The following SMIM35 variants were observed in gnomAD, a reference collection of about 807,000 sequenced individuals.
SMIM35 encodes small integral membrane protein 35.
At chr11:118,016,518 G>A (rs745984697) in intron 1 of SMIM35, among the ~76,000 whole-genome samples, 1 of 152,124 alleles carries the variant, frequency 6.6e-6, no homozygotes, top group Non-Finnish European at 1.5e-5. Context: ...CCCCACTCCT[G>A]CCCGATGAGG....
chr11:118,086,016 C>T (rs1019914462), intron 1 of SMIM35, among the ~76,000 whole-genome samples: 6 of 152,238 alleles, frequency 3.9e-5, no homozygotes, highest in Admixed American at 3.3e-4. Flanking sequence ...GCAGCATCAC[C>T]TGGAAGCAGG....
At chr11:118,077,376 C>G in intron 1 of SMIM35, 1 of 1,493,544 alleles carries the variant, frequency 6.7e-7, no homozygotes, top group Non-Finnish European at 9.0e-7. Flanking sequence ...CTTCAAGCAG[C>G]CTGAGCATCC....
At chr11:118,054,247 T>C (rs975429029) in intron 1 of SMIM35, among the ~76,000 whole-genome samples, 1 of 152,084 alleles carries the variant, frequency 6.6e-6, no homozygotes, top group African/African-American at 2.4e-5. Context: ...AAGTGCATTA[T>C]CACCATGTCA....
At chr11:118,061,422 T>C (rs1046336951) in intron 1 of SMIM35, among the ~76,000 whole-genome samples, 2 of 152,350 alleles carry the variant, frequency 1.3e-5, no homozygotes, top group Admixed American at 1.3e-4. Flanking sequence ...TTTATGCCAA[T>C]GTATTACATT....
chr11:118,041,162 T>C (rs1048579870), intron 1 of SMIM35, among the ~76,000 whole-genome samples: 17 of 151,724 alleles, frequency 1.1e-4, no homozygotes, highest in African/African-American at 3.9e-4. Flanking sequence ...TCAAAATACA[T>C]GAAGCAAAAA....
chr11:118,012,541 C>T (rs1188754403), intron 4 of SMIM35, among the ~76,000 whole-genome samples: 2 of 152,226 alleles, frequency 1.3e-5, no homozygotes, highest in Non-Finnish European at 2.9e-5. Context: ...AGAACTCACC[C>T]ACTCCCCCGT....
intron 1 of SMIM35, among the ~76,000 whole-genome samples, chr11:118,065,465 C>T (rs566014603): frequency 6.6e-6 from 1 of 152,312 alleles, no homozygotes; most frequent in African/African-American, 2.4e-5. Context: ...AAGGAAAACC[C>T]CAACTTTCAC....
chr11:118,012,071 G>A (rs1395468585), intron 4 of SMIM35, among the ~76,000 whole-genome samples: 1 of 152,154 alleles, frequency 6.6e-6, no homozygotes, highest in Non-Finnish European at 1.5e-5. Flanking sequence ...TTTGGGAAAG[G>A]GAGCACAGGA....
At chr11:118,011,075 G>C (rs1466616344) in intron 4 of SMIM35, among the ~76,000 whole-genome samples, 1 of 152,262 alleles carries the variant, frequency 6.6e-6, no homozygotes, top group African/African-American at 2.4e-5. Flanking sequence ...GTGCTCGCCA[G>C]TAGCCTGCGG....
At position 118,005,266 on chromosome 11, in the gene SMIM35, G is replaced by C. The variant is rs1263338993; in HGVS notation, c.*1144C>G. Reference sequence around the variant, plus strand: ...ACCTGCTAGGGAAACAACTTATAGCGACCACATTGCAGGTGATTCCAGCAC... The same window carrying C: ...ACCTGCTAGGGAAACAACTTATAGCCACCACATTGCAGGTGATTCCAGCAC... On this transcript the variant is annotated 3_prime_UTR_variant, in exon 5 of 5. Coordinates refer to ENST00000689828, the MANE Select transcript of SMIM35 (RefSeq NM_001394165.1). The C allele has an allele frequency of 2.0e-5, 3 of 152,122 alleles. No individual in the cohort carries two copies. Among genetic ancestry groups the C allele is most frequent in the African/African-American group, 4.8e-5 (2 of 41,400 alleles). 9.4% of individuals were successfully genotyped at this position (152,122 alleles called of 1,614,324 possible). A position where few individuals can be genotyped will look rare whatever the true frequency, so the allele number is the denominator to read the frequency against.
At chr11:118,025,236 G>A (rs373298895) in intron 1 of SMIM35, 1 of 303,042 alleles carries the variant, frequency 3.3e-6, no homozygotes, top group South Asian at 3.0e-5. Flanking sequence ...ACATATGAGT[G>A]CATGTGACTT....
In SMIM35 at chr11:118,043,884, G is replaced by T. The variant is rs114790412; in HGVS notation, c.8-28075C>A. 9.3e-3 allele frequency among the ~76,000 whole-genome samples: 1,400 copies of T among 150,910 alleles called. 28 individuals carry two copies. Among genetic ancestry groups the T allele is most frequent in the African/African-American group, 0.032 (1,307 of 41,136 alleles). On this transcript the variant is annotated intron_variant, in intron 1 of 4. Transcript: ENST00000689828. ...GGGAGAAAAGGAGGGGGTTATCTTAGCTAAAGGGTATGGGTTTTTTTTTTA... is the reference window on the plus strand; with the variant it reads ...GGGAGAAAAGGAGGGGGTTATCTTATCTAAAGGGTATGGGTTTTTTTTTTA...
At chr11:118,041,127 GA>G (rs1051784848) in intron 1 of SMIM35, among the ~76,000 whole-genome samples, 31 of 151,812 alleles carry the variant, frequency 2.0e-4, no homozygotes, top group Non-Finnish European at 4.0e-4. Context: ...TAAAAATAGT[GA>G]AAAAATAATT....
intron 1 of SMIM35, among the ~76,000 whole-genome samples, chr11:118,037,479 G>A (rs184203194): frequency 4.3e-4 from 66 of 152,268 alleles, no homozygotes; most frequent in African/African-American, 1.6e-3. Flanking sequence ...GTGTTTTGAA[G>A]CTCCCCTGCT....
chr11:118,035,174 A>G (rs1477833330), intron 1 of SMIM35, among the ~76,000 whole-genome samples: 1 of 151,048 alleles, frequency 6.6e-6, no homozygotes, highest in Admixed American at 6.6e-5. Flanking sequence ...CTGTTTTTGA[A>G]CTCCTGACCA....
chr11:118,054,565 C>G (rs1160367547), intron 1 of SMIM35, among the ~76,000 whole-genome samples: 2 of 152,086 alleles, frequency 1.3e-5, no homozygotes, highest in African/African-American at 4.8e-5. Flanking sequence ...CCTTTTTGAC[C>G]TATTTCTTTA....
intron 1 of SMIM35, among the ~76,000 whole-genome samples, chr11:118,085,271 T>C (rs1945460127): frequency 6.6e-6 from 1 of 150,868 alleles, no homozygotes; most frequent in African/African-American, 2.4e-5. Flanking sequence ...TTGCCCTGGC[T>C]GGAGTACAGT....
intron 4 of SMIM35, among the ~76,000 whole-genome samples, chr11:118,011,774 A>G (rs2135015706): frequency 6.6e-6 from 1 of 152,270 alleles, no homozygotes; most frequent in East Asian, 1.9e-4. Flanking sequence ...ATTGAAATCC[A>G]AGGAAGGAAG....
intron 1 of SMIM35, among the ~76,000 whole-genome samples, chr11:118,020,654 A>G (rs868371391): frequency 3.3e-5 from 5 of 152,062 alleles, no homozygotes; most frequent in African/African-American, 4.8e-5. Context: ...TGTGAACAGG[A>G]GCTTGTTTTG....
Sources: gnomAD v4.1 joint callset for allele counts (sites outside exome capture counted in the v4.1 genomes callset) on GRCh38, gnomAD v4.1.1 for gene constraint, MANE v1.5 for transcripts, NCBI Gene and HGNC (gene_info 2026-07-23, HGNC 2026-07-21) for gene names.